The following GMPR variants were observed in gnomAD, a reference collection of about 807,000 sequenced individuals.
GMPR encodes guanosine monophosphate reductase.
In GMPR, 31 loss-of-function variants were observed where a neutral mutation model predicts 38.4. That is an observed-to-expected ratio of 0.81 (90% CI 0.61 to 1.09). The LOEUF (loss-of-function observed/expected upper bound fraction) is 1.09, where lower values mean the gene tolerates loss of function less well. Among genes scored for constraint, GMPR ranks in the 50% least tolerant of loss-of-function variants. The pLI is 0.00. For synonymous variants in GMPR, 162 were observed against 173.3 expected (o/e 0.93, Z 0.51); for missense variants, 468 against 453.7 (o/e 1.03, Z -0.29).
At chr6:16,245,547 C>G (rs74775087) in intron 1 of GMPR, among the ~76,000 whole-genome samples, 11 of 152,352 alleles carry the variant, frequency 7.2e-5, no homozygotes, top group Non-Finnish European at 1.3e-4. Context: ...GCATAAGATT[C>G]ATACCTGTGC....
At chr6:16,279,019 A>G (rs1759529715) in intron 6 of GMPR, 129 bp downstream of exon 6, 1 of 628,920 alleles carries the variant, frequency 1.6e-6, no homozygotes, top group Non-Finnish European at 2.8e-6. Context: ...CAGCGCTGAC[A>G]TTCAGCAGAA....
At chr6:16,290,355 T>G (rs1269968506) in intron 7 of GMPR, 107 bp from the exon 8 acceptor site, 2 of 950,296 alleles carry the variant, frequency 2.1e-6, no homozygotes, top group African/African-American at 3.3e-5. Flanking sequence ...TGACTATAGC[T>G]GGGCGGGGAG....
chr6:16,266,069 C>T (rs564326573), intron 4 of GMPR, among the ~76,000 whole-genome samples: 24 of 151,630 alleles, frequency 1.6e-4, no homozygotes, highest in Non-Finnish European at 3.1e-4. Flanking sequence ...GAGGAATGAA[C>T]AACTCCCGAC....
intron 2 of GMPR, among the ~76,000 whole-genome samples, chr6:16,247,673 C>G (rs748334860): frequency 1.3e-5 from 2 of 152,144 alleles, no homozygotes; most frequent in Admixed American, 6.5e-5. Context: ...CCATGCCCGG[C>G]CTGTATCTCT....
chr6:16,238,840 A>C (rs758308093), intron 1 of GMPR, 60 bp downstream of exon 1: 182 of 864,276 alleles, frequency 2.1e-4, no homozygotes, highest in Non-Finnish European at 3.0e-4. Flanking sequence ...GGCGCGGGGC[A>C]AGTGGGTGGA....
intron 4 of GMPR, among the ~76,000 whole-genome samples, chr6:16,266,839 G>A (rs953705070): frequency 6.6e-6 from 1 of 151,672 alleles, no homozygotes; most frequent in African/African-American, 2.4e-5. Context: ...TGAAGGTCGT[G>A]GCTTCACTCC....
At chr6:16,248,334 G>A (rs1051406612) in intron 2 of GMPR, among the ~76,000 whole-genome samples, 13 of 150,252 alleles carry the variant, frequency 8.7e-5, no homozygotes, top group East Asian at 1.9e-4. Context: ...TGGTGTCCTC[G>A]CTTTGGGAAA....
At chr6:16,260,497 A>G (rs1306726476) in intron 4 of GMPR, among the ~76,000 whole-genome samples, 2 of 151,996 alleles carry the variant, frequency 1.3e-5, no homozygotes, top group African/African-American at 2.4e-5. Context: ...ATGTCGAGTA[A>G]AGCTAATTTG....
At chr6:16,271,774 C>A (rs1160961846) in intron 4 of GMPR, among the ~76,000 whole-genome samples, 1 of 152,184 alleles carries the variant, frequency 6.6e-6, no homozygotes, top group African/African-American at 2.4e-5. Context: ...AAAGTTTGAT[C>A]ATCTCTTCAC....
At chr6:16,285,451 C>T (rs543404225) in intron 6 of GMPR, among the ~76,000 whole-genome samples, 19 of 152,322 alleles carry the variant, frequency 1.2e-4, no homozygotes, top group East Asian at 1.2e-3. Context: ...ATGTAGGGGG[C>T]TGGCATGGGA....
intron 2 of GMPR, among the ~76,000 whole-genome samples, chr6:16,248,824 G>T (rs1384106722): frequency 1.3e-5 from 2 of 152,194 alleles, no homozygotes; most frequent in Non-Finnish European, 2.9e-5. Context: ...AGTCAAGTCT[G>T]ATTAATTCAC....
chr6:16,275,917 A>G (rs1426404291), intron 5 of GMPR, among the ~76,000 whole-genome samples: 1 of 152,036 alleles, frequency 6.6e-6, no homozygotes, highest in Non-Finnish European at 1.5e-5. Context: ...ATAAAAATTA[A>G]AAAGTAGTCA....
At chr6:16,259,223 A>G (rs1395575994) in intron 4 of GMPR, 1 of 151,978 alleles carries the variant, frequency 6.6e-6, no homozygotes, top group Non-Finnish European at 1.5e-5. Context: ...AGGGGTCACA[A>G]GGTGCTCAGT....
At chr6:16,256,238 G>A (rs551059656) in intron 4 of GMPR, among the ~76,000 whole-genome samples, 29 of 149,306 alleles carry the variant, frequency 1.9e-4, no homozygotes, top group South Asian at 8.5e-4. Context: ...AGAATTGGCC[G>A]GGTGCAGTGG....
intron 1 of GMPR, among the ~76,000 whole-genome samples, chr6:16,241,035 G>T (rs891975308): frequency 6.6e-6 from 1 of 152,060 alleles, no homozygotes; most frequent in Non-Finnish European, 1.5e-5. Flanking sequence ...TGTTTTCTCA[G>T]TTTGCTTGTT....
chr6:16,239,465 A>G (rs1309215611), intron 1 of GMPR, among the ~76,000 whole-genome samples: 2 of 152,248 alleles, frequency 1.3e-5, no homozygotes, highest in African/African-American at 4.8e-5. Flanking sequence ...CCTAAGGAAC[A>G]GGTGGAGACC....
At chr6:16,267,208 A>T (rs1012667504) in intron 4 of GMPR, among the ~76,000 whole-genome samples, 1 of 151,774 alleles carries the variant, frequency 6.6e-6, no homozygotes, top group Non-Finnish European at 1.5e-5. Flanking sequence ...CTAAAAGTAC[A>T]AAAAAAAGAA....
intron 6 of GMPR, among the ~76,000 whole-genome samples, chr6:16,285,375 A>G (rs1759660272): frequency 6.6e-6 from 1 of 152,262 alleles, no homozygotes; most frequent in African/African-American, 2.4e-5. Flanking sequence ...ACCTCACACC[A>G]GGCAGAGAGG....
chr6:16,292,757 T>C (rs954620427), intron 8 of GMPR, among the ~76,000 whole-genome samples: 3 of 152,110 alleles, frequency 2.0e-5, no homozygotes, highest in African/African-American at 7.2e-5. Context: ...TTTTGGGTTC[T>C]TTAAAAAATT....
Sources: allele counts gnomAD v4.1 joint callset (sites outside exome capture counted in the v4.1 genomes callset), GRCh38; gene constraint gnomAD v4.1.1; transcripts MANE v1.5; gene names NCBI Gene and HGNC (gene_info 2026-07-23, HGNC 2026-07-21).